The following MICAL2 variants were observed in gnomAD, a reference collection of about 807,000 sequenced individuals.
MICAL2 encodes the protein [F-actin]-monooxygenase MICAL2.
A neutral mutation model predicts 127.3 loss-of-function variants in MICAL2; 77 were observed. The observed-to-expected ratio is 0.60, with a 90% CI of 0.50 to 0.73. MICAL2 has a LOEUF of 0.73. Among genes scored for constraint, MICAL2 ranks in the 30% least tolerant of loss-of-function variants. MICAL2 has a pLI of 0.00. For synonymous variants in MICAL2, 570 were observed against 551.1 expected, an observed-to-expected ratio of 1.03 and a Z score of -0.48; for missense variants, 1,351 against 1,434.4, an observed-to-expected ratio of 0.94 and a Z score of 0.94.
At chr11:12,339,041 G>A (rs1938814922) in intron 32 of MICAL2, among the ~76,000 whole-genome samples, 1 of 152,202 alleles carries the variant, frequency 6.6e-6, no homozygotes, top group African/African-American at 2.4e-5. Flanking sequence ...ATAATATCCT[G>A]CAGAGTGTTT....
At chr11:12,115,744 G>A (rs1273104519) in intron 1 of MICAL2, among the ~76,000 whole-genome samples, 1 of 151,882 alleles carries the variant, frequency 6.6e-6, no homozygotes, top group African/African-American at 2.4e-5. Context: ...TTTTTTGTAG[G>A]ACAAATATTT....
intron 14 of MICAL2, 144 bp downstream of exon 14, chr11:12,226,514 T>G (rs1857472051): frequency 1.4e-6 from 1 of 724,582 alleles, no homozygotes. Flanking sequence ...CAGGGGTGAC[T>G]CCACTCACCC....
chr11:12,304,663 C>T (rs534307872), intron 29 of MICAL2, among the ~76,000 whole-genome samples: 4,013 of 150,862 alleles, frequency 0.027, 132 homozygotes, highest in East Asian at 0.13. Flanking sequence ...CACACACACA[C>T]ACACACACAC....
intron 1 of MICAL2, among the ~76,000 whole-genome samples, chr11:12,111,909 A>G (rs535062424): frequency 6.6e-6 from 1 of 152,308 alleles, no homozygotes; most frequent in Non-Finnish European, 1.5e-5. Context: ...AGTCCTGTGC[A>G]ATGCCCTGGA....
intron 2 of MICAL2, among the ~76,000 whole-genome samples, chr11:12,160,370 T>A (rs1237177475): frequency 1.3e-5 from 2 of 152,150 alleles, no homozygotes; most frequent in Non-Finnish European, 2.9e-5. Context: ...TGCCCTATCA[T>A]CTTCCCAAAG....
rs538593214 is a variant in MICAL2 at position 12,236,191 on chromosome 11, C to T, written c.2010C>T (p.Thr670=). 62 of 1,614,164 alleles carry T rather than the reference C, an allele frequency of 3.8e-5. No homozygotes were observed. Among genetic ancestry groups the T allele is most frequent in the South Asian group, 1.4e-4 (13 of 91,084 alleles). Reference sequence around the variant, plus strand: ...GGCCATTGCAGGTGGATGGTCAAACCGGAGAGAATGACATGAACAAACGGA... The same window carrying T: ...GGCCATTGCAGGTGGATGGTCAAACTGGAGAGAATGACATGAACAAACGGA... ...RKRTPRVDGQ[T]GENDMNKRRR... The change falls in exon 16 of 28, where the codon ACC becomes ACT. Residue 670 remains threonine, a synonymous_variant. Transcript: ENST00000683283.
At chr11:12,178,381 G>T (rs896064479) in intron 3 of MICAL2, among the ~76,000 whole-genome samples, 3 of 151,544 alleles carry the variant, frequency 2.0e-5, no homozygotes, top group Non-Finnish European at 2.9e-5. Context: ...TGTGCCCAAA[G>T]TAATTGGGTT....
chr11:12,196,288 G>A (rs1025534930), intron 3 of MICAL2: 5 of 152,746 alleles, frequency 3.3e-5, no homozygotes, highest in Non-Finnish European at 5.9e-5. Flanking sequence ...CATGTTGATG[G>A]GGGAGAAGCA....
At chr11:12,146,920 T>G (rs1357248559) in intron 2 of MICAL2, among the ~76,000 whole-genome samples, 2 of 152,164 alleles carry the variant, frequency 1.3e-5, no homozygotes, top group Non-Finnish European at 1.5e-5. Flanking sequence ...GGGACATGGA[T>G]GACGCTGGAA....
intron 1 of MICAL2, among the ~76,000 whole-genome samples, chr11:12,113,410 A>C (rs1849752541): frequency 6.6e-6 from 1 of 152,232 alleles, no homozygotes; most frequent in Admixed American, 6.5e-5. Context: ...AAAGGTTACA[A>C]CTTGCCTGCA....
chr11:12,313,139 G>A (rs191241872), intron 29 of MICAL2, among the ~76,000 whole-genome samples: 181 of 125,290 alleles, frequency 1.4e-3, no homozygotes, highest in African/African-American at 5.3e-3. Context: ...CTGCACTCCA[G>A]CCTGGGCGAC....
intron 10 of MICAL2, 26 bp downstream of exon 10, chr11:12,221,785 AC>A (rs746446564): frequency 3.8e-6 from 6 of 1,589,544 alleles, no homozygotes; most frequent in Middle Eastern, 1.9e-4. Context: ...AGGGCTCCTA[AC>A]TGGGGGGCAG....
rs1428990763 is a variant in MICAL2, at chr11:12,263,546, A to G, written c.*18-14A>G. 3 of 152,538 alleles carry G rather than the reference A, an allele frequency of 2.0e-5. No homozygotes were observed. Among genetic ancestry groups the G allele is most frequent in the Non-Finnish European group, 2.9e-5 (2 of 68,024 alleles). The allele number at this position is 152,538 out of a possible 1,614,324, so 9.4% of individuals were successfully genotyped here. A position where few individuals can be genotyped will look rare whatever the true frequency, so the allele number is the denominator to read the frequency against. ...AGTACAAAGTCGTTGCTCTTGTCTT[A>G]TCTTCTCTTACAGAGTCTCCCTCCC... On this transcript the variant is annotated splice_polypyrimidine_tract_variant and intron_variant, in intron 27 of 27. Transcript: ENST00000683283.
At chr11:12,180,349 A>ATATATATATATATATATATATATATATTT (rs11403732) in intron 3 of MICAL2, among the ~76,000 whole-genome samples, 10 of 139,672 alleles carry the variant, frequency 7.2e-5, no homozygotes, top group African/African-American at 1.9e-4. Flanking sequence ...ATATGTATAT[A>ATATATATATATATATATATATATATATTT]TTTTTTTTTT....
At chr11:12,259,559 A>G (rs1862816100) in intron 25 of MICAL2, 1 of 428,036 alleles carries the variant, frequency 2.3e-6, no homozygotes, top group Admixed American at 4.1e-5. Flanking sequence ...ATTAGGAGTG[A>G]GATTGCCGAT....
chr11:12,219,916 ACGC>A (rs1856627922), intron 8 of MICAL2, among the ~76,000 whole-genome samples: 2 of 152,252 alleles, frequency 1.3e-5, no homozygotes, highest in Non-Finnish European at 2.9e-5. Context: ...AGGAATTTCT[ACGC>A]TTCCTTCTTT....
chr11:12,205,268 C>A (rs556929963), intron 4 of MICAL2, among the ~76,000 whole-genome samples: 1 of 152,260 alleles, frequency 6.6e-6, no homozygotes, highest in African/African-American at 2.4e-5. Flanking sequence ...GAAAGGCAGC[C>A]TTCCTTCCTG....
intron 3 of MICAL2, among the ~76,000 whole-genome samples, chr11:12,194,952 ATT>A (rs1859698503): frequency 6.6e-6 from 1 of 152,228 alleles, no homozygotes; most frequent in South Asian, 2.1e-4. Flanking sequence ...TGTGGATTTC[ATT>A]TTATATACAT....
At chr11:12,266,954 A>G (rs1384858546), downstream of MICAL2, among the ~76,000 whole-genome samples, 1 of 152,234 alleles carries the variant, frequency 6.6e-6, no homozygotes, top group African/African-American at 2.4e-5. Flanking sequence ...CGCCCAGAGG[A>G]AAACTTGTCG....
Sources: allele counts gnomAD v4.1 joint callset (sites outside exome capture counted in the v4.1 genomes callset), GRCh38; gene constraint gnomAD v4.1.1; transcripts MANE v1.5; gene names NCBI Gene and HGNC (gene_info 2026-07-23, HGNC 2026-07-21).